Variants in TMEM254 observed in about 807,000 individuals in gnomAD.
TMEM254 encodes the protein transmembrane protein 254, also known as transmembrane protein C10orf57.
In TMEM254, 16 loss-of-function variants were observed where a neutral mutation model predicts 13.9. That is an observed-to-expected ratio of 1.15 (90% CI 0.78 to 1.75). TMEM254 has a LOEUF of 1.75. TMEM254 is among the 40% of genes most tolerant of loss of function. TMEM254 has a pLI of 0.00. For missense variants in TMEM254, 155 were observed against 149.0 expected (o/e 1.04, Z -0.21); for synonymous variants, 61 against 56.4 (o/e 1.08, Z -0.36).
At chr10:80,086,650 G>A (rs922170430) in intron 3 of TMEM254, among the ~76,000 whole-genome samples, 2 of 151,978 alleles carry the variant, frequency 1.3e-5, no homozygotes, top group African/African-American at 4.8e-5. Flanking sequence ...AGACCAGCCT[G>A]GCCAATATGG....
intron 3 of TMEM254, among the ~76,000 whole-genome samples, chr10:80,083,491 T>G (rs1258891390): frequency 6.6e-6 from 1 of 152,198 alleles, no homozygotes; most frequent in East Asian, 1.9e-4. Context: ...GTTTTGTAGA[T>G]CGTTCCCCAC....
chr10:80,079,799 G>A (rs1008638122), intron 1 of TMEM254: 5 of 610,364 alleles, frequency 8.2e-6, no homozygotes, highest in Non-Finnish European at 6.2e-6. Context: ...TGCAACCTCT[G>A]CTTCCCAGGT....
chr10:80,085,766 A>G (rs1044473764), intron 3 of TMEM254, among the ~76,000 whole-genome samples: 1 of 152,210 alleles, frequency 6.6e-6, no homozygotes, highest in African/African-American at 2.4e-5. Context: ...AGAAAAATAG[A>G]ATGTTTTTTC....
At chr10:80,086,219 T>C in intron 3 of TMEM254, 2 of 1,456,660 alleles carry the variant, frequency 1.4e-6, no homozygotes, top group Non-Finnish European at 1.8e-6. Flanking sequence ...AAGACTTTTG[T>C]CTTTTAAATA....
chr10:80,080,480 A>G (rs17098720), intron 1 of TMEM254, among the ~76,000 whole-genome samples: 16,278 of 152,232 alleles, frequency 0.11, 1,052 homozygotes, highest in South Asian at 0.21. Context: ...TATGCAGTGG[A>G]TCATTCTCAG....
rs115426164 is a variant in TMEM254, at chr10:80,085,440, A to G, written c.251+3236A>G. Among the ~76,000 whole-genome samples, 733 of 151,766 alleles carry G rather than the reference A, an allele frequency of 4.8e-3. 9 individuals carry two copies. The highest frequency in any genetic ancestry group is 0.017 in the African/African-American group (693 of 41,418). Reference sequence around the variant, plus strand: ...AAATTAGCTGGGTGTGGTGGCACATACCTGTTACCCCAGCTACTCAGGAGG... The same window carrying G: ...AAATTAGCTGGGTGTGGTGGCACATGCCTGTTACCCCAGCTACTCAGGAGG... On this transcript the variant is annotated intron_variant, in intron 3 of 3. Transcript: ENST00000372281.
At chr10:80,087,669 C>T (rs1160015288) in intron 3 of TMEM254, among the ~76,000 whole-genome samples, 2 of 151,978 alleles carry the variant, frequency 1.3e-5, no homozygotes, top group African/African-American at 4.8e-5. Flanking sequence ...AAACGAATGA[C>T]TACTTTAAAT....
chr10:80,087,077 C>T (rs1844353130), intron 3 of TMEM254, among the ~76,000 whole-genome samples: 1 of 152,078 alleles, frequency 6.6e-6, no homozygotes, highest in African/African-American at 2.4e-5. Context: ...ACTGGGACTA[C>T]AGGTGTGCCA....
In TMEM254 at chr10:80,081,881, T is replaced by C. The variant is rs758611777; in HGVS notation, c.128T>C (p.Leu43Pro). The change falls in exon 2 of 4, where the codon CTT (leucine) becomes CCT (proline). Residue 43 changes from leucine to proline, a missense_variant. By Grantham distance (98) the Leu-to-Pro change is moderately conservative. Coordinates refer to ENST00000372281, the MANE Select transcript of TMEM254 (RefSeq NM_025125.4). ...CCTCAGAGTATCCCTTATCAGAACCTTGGGCCCCTGGGCCCCTTCACTCAG... is the reference window on the plus strand; with the variant it reads ...CCTCAGAGTATCCCTTATCAGAACCCTGGGCCCCTGGGCCCCTTCACTCAG... ...FWPQSIPYQN[L>P]GPLGPFTQYL... The C allele has an allele frequency of 6.2e-7, 1 of 1,614,254 alleles. No homozygotes were observed. The highest frequency in any genetic ancestry group is 8.5e-7 in the Non-Finnish European group (1 of 1,180,046).
intron 1 of TMEM254, chr10:80,079,439 A>C: frequency 1.8e-6 from 2 of 1,084,836 alleles, no homozygotes; most frequent in Non-Finnish European, 1.1e-6. Flanking sequence ...AAGTCAAGTT[A>C]ACAGACTGCC....
At chr10:80,082,012 T>A in intron 2 of TMEM254, 68 bp downstream of exon 2, 1 of 1,572,482 alleles carries the variant, frequency 6.4e-7, no homozygotes, top group African/African-American at 1.4e-5. Context: ...CTGGAAGGCC[T>A]GCAGCTGCCT....
intron 3 of TMEM254, among the ~76,000 whole-genome samples, chr10:80,088,153 A>G (rs944720849): frequency 6.6e-6 from 1 of 152,028 alleles, no homozygotes; most frequent in Non-Finnish European, 1.5e-5. Context: ...TATATCATAC[A>G]TACTGATATG....
intron 1 of TMEM254, 98 bp downstream of exon 1, chr10:80,078,884 T>A: frequency 4.6e-6 from 7 of 1,532,106 alleles, no homozygotes; most frequent in Non-Finnish European, 6.2e-6. Flanking sequence ...GGGGAAGTCG[T>A]GCAAGCACAA....
intron 1 of TMEM254, chr10:80,079,358 C>G: frequency 8.5e-7 from 1 of 1,178,512 alleles, no homozygotes; most frequent in Non-Finnish European, 1.1e-6. Flanking sequence ...TTCTAGTGTT[C>G]CTGTCTTTGG....
Position 80,091,002 on chromosome 10 carries a change from G to A in TMEM254, c.*85G>A. 6.6e-7 allele frequency: 1 copy of A among 1,523,024 alleles called. No homozygotes were observed. The highest frequency in any genetic ancestry group is 8.8e-7 in the Non-Finnish European group (1 of 1,132,052). The allele number at this position is 1,523,024 out of a possible 1,614,324, so 94.3% of individuals were successfully genotyped here. A position where few individuals can be genotyped will look rare whatever the true frequency, so the allele number is the denominator to read the frequency against. ...TAGAGGAGGTGCAGTAATTTACTCA[G>A]TGATCTTTCTACTTTCTAGAAACTG... On this transcript the variant is annotated 3_prime_UTR_variant, in exon 4 of 4. Coordinates refer to ENST00000372281, the MANE Select transcript of TMEM254 (RefSeq NM_025125.4).
At chr10:80,079,131 C>T in intron 1 of TMEM254, 1 of 1,336,842 alleles carries the variant, frequency 7.5e-7, no homozygotes, top group African/African-American at 1.5e-5. Context: ...CTATTTCCGT[C>T]CAGCAAGACC....
At chr10:80,079,966 G>T (rs934600019) in intron 1 of TMEM254, among the ~76,000 whole-genome samples, 1 of 152,218 alleles carries the variant, frequency 6.6e-6, no homozygotes, top group Non-Finnish European at 1.5e-5. Flanking sequence ...GAAGCTATTT[G>T]GGTATACCAA....
intron 3 of TMEM254, among the ~76,000 whole-genome samples, chr10:80,082,495 G>A (rs1844091699): frequency 6.6e-6 from 1 of 152,092 alleles, no homozygotes; most frequent in Non-Finnish European, 1.5e-5. Context: ...AAAAGACTAG[G>A]AATAGGAGCC....
intron 3 of TMEM254, among the ~76,000 whole-genome samples, chr10:80,090,108 CT>C (rs1844510135): frequency 6.6e-6 from 1 of 151,604 alleles, no homozygotes; most frequent in Admixed American, 6.6e-5. Context: ...AATTATATTG[CT>C]TTTACATATA....
Sources: gnomAD v4.1 joint callset for allele counts (sites outside exome capture counted in the v4.1 genomes callset) on GRCh38, gnomAD v4.1.1 for gene constraint, MANE v1.5 for transcripts, NCBI Gene and HGNC (gene_info 2026-07-23, HGNC 2026-07-21) for gene names.